JMY: variants seen among roughly 807,000 people sequenced by gnomAD.
JMY encodes junction mediating and regulatory protein, p53 cofactor, also known as junction-mediating and -regulatory protein.
JMY carries 46 observed loss-of-function variants against 103.3 expected under a neutral mutation model. That is an observed-to-expected ratio of 0.45 (90% CI 0.35 to 0.57). The LOEUF is 0.57. Among genes scored for constraint, JMY ranks in the 20% least tolerant of loss-of-function variants. The pLI is 0.00. For missense variants in JMY, 1,238 were observed against 1,255.2 expected (o/e 0.99, Z 0.21); for synonymous variants, 526 against 489.3 (o/e 1.07, Z -0.99).
chr5:79,304,790 A>C (rs1041636053), intron 6 of JMY, among the ~76,000 whole-genome samples: 23 of 152,216 alleles, frequency 1.5e-4, no homozygotes, highest in African/African-American at 5.3e-4. Flanking sequence ...CTAAATTATC[A>C]AAAAACTTTG....
intron 2 of JMY, among the ~76,000 whole-genome samples, chr5:79,283,464 A>G (rs571297987): frequency 1.2e-4 from 19 of 152,154 alleles, no homozygotes; most frequent in Non-Finnish European, 2.4e-4. Flanking sequence ...ATGTATTTAT[A>G]TTTGTTTTTA....
chr5:79,326,679 AGACT>A lies in JMY; in HGVS notation c.*5081_*5084del, dbSNP rs1747658467. ...AATTAATTGCCCATTAGGGCTAAGG[AGACT>A]GACATGATTTTTATCGGTTCTGGGT... On this transcript the variant is annotated 3_prime_UTR_variant, in exon 11 of 11. Transcript: ENST00000396137. The A allele has an allele frequency of 1.3e-5, 2 of 152,198 alleles. No individual in the cohort carries two copies. Among genetic ancestry groups the A allele is most frequent in the Non-Finnish European group, 2.9e-5 (2 of 68,018 alleles). The allele number at this position is 152,198 out of a possible 1,614,324, so 9.4% of individuals were successfully genotyped here. A position where few individuals can be genotyped will look rare whatever the true frequency, so the allele number is the denominator to read the frequency against.
rs1053308241 is a variant in JMY at position 79,325,134 on chromosome 5, A to G, written c.*3532A>G. On this transcript the variant is annotated 3_prime_UTR_variant, in exon 11 of 11. Transcript: ENST00000396137. ...TACAATTTAATTTTACACATTCCCT[A>G]AGACACCATTTTTAAGTTACAGTCA... 8 of 152,576 alleles carry G rather than the reference A, an allele frequency of 5.2e-5. No homozygotes were observed. The highest frequency in any genetic ancestry group is 1.9e-4 in the African/African-American group (8 of 41,466). The allele number at this position is 152,576 out of a possible 1,614,324, so 9.5% of individuals were successfully genotyped here. A position where few individuals can be genotyped will look rare whatever the true frequency, so the allele number is the denominator to read the frequency against.
intron 1 of JMY, among the ~76,000 whole-genome samples, chr5:79,263,116 T>C (rs973148054): frequency 6.6e-5 from 10 of 152,210 alleles, no homozygotes; most frequent in Non-Finnish European, 1.3e-4. Context: ...ACCATTTTTT[T>C]CCCCTCATTC....
chr5:79,283,284 C>T (rs1746176113), intron 2 of JMY, among the ~76,000 whole-genome samples: 1 of 152,044 alleles, frequency 6.6e-6, no homozygotes, highest in Non-Finnish European at 1.5e-5. Context: ...CCACTGCACC[C>T]AGCCGTCAAC....
At chr5:79,311,805 AT>A (rs1158015499) in intron 7 of JMY, among the ~76,000 whole-genome samples, 1 of 151,970 alleles carries the variant, frequency 6.6e-6, no homozygotes, top group African/African-American at 2.4e-5. Flanking sequence ...TTGGTTGTTG[AT>A]TTGATTGCTT....
chr5:79,263,659 G>T (rs879291244), intron 1 of JMY, among the ~76,000 whole-genome samples: 6 of 151,798 alleles, frequency 4.0e-5, no homozygotes, highest in Non-Finnish European at 7.4e-5. Flanking sequence ...GATTGTAGGT[G>T]TGAGCCACCG....
Position 79,314,569 on chromosome 5 carries a change from C to G in JMY, c.2377C>G (p.Leu793Val). Residue 793 changes from leucine to valine, a missense_variant, in exon 9 of 11, where the codon CTC (leucine) becomes GTC (valine). By Grantham distance (32) the Leu-to-Val change is conservative (BLOSUM62 1). Transcript: ENST00000396137. ...ATCTCTTCCACTTTTGAATAACAAC[C>G]TCGAACCATGTTCTGTTACCATAAA... ...TISLPLLNNNLEPCSVTINPL... is the reference protein window; with the variant it reads ...TISLPLLNNNVEPCSVTINPL... 1 of 1,614,140 alleles carries G rather than the reference C, an allele frequency of 6.2e-7. No homozygotes were observed. The highest frequency in any genetic ancestry group is 8.5e-7 in the Non-Finnish European group (1 of 1,180,020).
At chr5:79,317,554 T>G (rs1176647692) in intron 10 of JMY, among the ~76,000 whole-genome samples, 1 of 152,202 alleles carries the variant, frequency 6.6e-6, no homozygotes, top group East Asian at 1.9e-4. Context: ...TACAAACATG[T>G]TCTATTAATT....
chr5:79,277,398 G>T (rs148522121), intron 1 of JMY, among the ~76,000 whole-genome samples: 1 of 151,880 alleles, frequency 6.6e-6, no homozygotes, highest in Non-Finnish European at 1.5e-5. Context: ...AGGCCGAGGC[G>T]GGTGGCTGTC....
chr5:79,246,658 G>GGATC (rs1440901320), intron 1 of JMY, among the ~76,000 whole-genome samples: 2 of 152,116 alleles, frequency 1.3e-5, no homozygotes, highest in African/African-American at 4.8e-5. Flanking sequence ...CGAGGCAGGC[G>GGATC]GATCATGAGG....
At chr5:79,278,898 G>C (rs1008602539) in intron 2 of JMY, among the ~76,000 whole-genome samples, 17 of 151,826 alleles carry the variant, frequency 1.1e-4, no homozygotes, top group Admixed American at 9.8e-4. Context: ...CGAAGTTCTG[G>C]GACTACAGGT....
Position 79,314,388 on chromosome 5 carries a change from G to C in JMY, c.2196G>C (p.Glu732Asp), listed in dbSNP as rs1344307474. Residue 732 changes from glutamate (E) to aspartate (D), a missense_variant, in exon 9 of 11, where the codon GAG (glutamate) becomes GAC (aspartate). Glu to Asp is a conservative substitution (Grantham distance 45, BLOSUM62 2). Coordinates refer to ENST00000396137, the MANE Select transcript of JMY (RefSeq NM_152405.5). Reference protein sequence around the residue: ...DSLPSVLQVEEKTEEVGEGRV... With the variant: ...DSLPSVLQVEDKTEEVGEGRV... Reference sequence around the variant, plus strand: ...TACCAAGTGTGTTACAGGTAGAAGAGAAAACTGAAGAGGTGGGAGAAGGAA... The same window carrying C: ...TACCAAGTGTGTTACAGGTAGAAGACAAAACTGAAGAGGTGGGAGAAGGAA... 6.2e-7 allele frequency: 1 copy of C among 1,614,048 alleles called. No homozygotes were observed. The highest frequency in any genetic ancestry group is 8.5e-7 in the Non-Finnish European group (1 of 1,180,032).
rs1233772234 is a variant in JMY, at chr5:79,325,434, A to C, written c.*3832A>C. ...TTAAAATGCAGCCATTTGATAATGA[A>C]AGCAGAAACCTTAAGTTTTACCTAA... On this transcript the variant is annotated 3_prime_UTR_variant, in exon 11 of 11. Coordinates refer to ENST00000396137, the MANE Select transcript of JMY (RefSeq NM_152405.5). 1 of 152,208 alleles carries C rather than the reference A, an allele frequency of 6.6e-6. No homozygotes were observed. Among genetic ancestry groups the C allele is most frequent in the African/African-American group, 2.4e-5 (1 of 41,460 alleles). The allele number at this position is 152,208 out of a possible 1,614,324, so 9.4% of individuals were successfully genotyped here.
intron 1 of JMY, among the ~76,000 whole-genome samples, chr5:79,253,064 G>A (rs952518095): frequency 2.6e-5 from 4 of 151,760 alleles, no homozygotes; most frequent in Non-Finnish European, 4.4e-5. Context: ...TTCTTTTTGC[G>A]AATCCATTGT....
intron 1 of JMY, among the ~76,000 whole-genome samples, chr5:79,251,771 TTTTA>T (rs201763530): frequency 2.6e-5 from 4 of 151,924 alleles, no homozygotes; most frequent in African/African-American, 7.2e-5. Context: ...ATTTTTTTAT[TTTTA>T]TTTATTTATT....
At chr5:79,314,912 T>A in intron 9 of JMY, 61 bp downstream of exon 9, 1 of 1,444,236 alleles carries the variant, frequency 6.9e-7, no homozygotes, top group East Asian at 2.3e-5. Context: ...TAAAAAACTA[T>A]ATTTTTTGAC....
At chr5:79,308,876 T>C (rs1485883416) in intron 7 of JMY, among the ~76,000 whole-genome samples, 1 of 152,188 alleles carries the variant, frequency 6.6e-6, no homozygotes, top group African/African-American at 2.4e-5. Context: ...ATAATTTTCC[T>C]CATAAAGATC....
chr5:79,307,248 A>C (rs1746912176), intron 7 of JMY, among the ~76,000 whole-genome samples: 1 of 152,210 alleles, frequency 6.6e-6, no homozygotes, highest in Admixed American at 6.5e-5. Flanking sequence ...ATTTCAGCCA[A>C]TTTGGGTAAA....
Sources: allele counts gnomAD v4.1 joint callset (sites outside exome capture counted in the v4.1 genomes callset), GRCh38; gene constraint gnomAD v4.1.1; transcripts MANE v1.5; gene names NCBI Gene and HGNC (gene_info 2026-07-23, HGNC 2026-07-21).